Variants in CADM2 observed in about 807,000 individuals in gnomAD.
CADM2 encodes the protein immunoglobulin superfamily member 4D.
CADM2 carries 12 observed loss-of-function variants against 49.8 expected under a neutral mutation model. That is an observed-to-expected ratio of 0.24 (90% CI 0.15 to 0.39). CADM2 has a LOEUF of 0.39. CADM2 is among the 10% of genes least tolerant of loss of function. The pLI is 1.00. For missense variants in CADM2, 378 were observed against 492.3 expected (o/e 0.77, Z 2.20); for synonymous variants, 214 against 175.4 (o/e 1.22, Z -1.74).
intron 1 of CADM2, among the ~76,000 whole-genome samples, chr3:85,168,809 T>A (rs2040541344): frequency 6.6e-6 from 1 of 152,198 alleles, no homozygotes; most frequent in Non-Finnish European, 1.5e-5. Flanking sequence ...ATTGCATTTC[T>A]TAGTGGAATA....
At chr3:85,116,860 A>G (rs887361559) in intron 1 of CADM2, among the ~76,000 whole-genome samples, 1 of 152,152 alleles carries the variant, frequency 6.6e-6, no homozygotes, top group African/African-American at 2.4e-5. Context: ...TTTCTGGTGT[A>G]TGGTGCAATA....
At chr3:85,048,045 C>T (rs1181699563) in intron 1 of CADM2, among the ~76,000 whole-genome samples, 6 of 151,736 alleles carry the variant, frequency 4.0e-5, no homozygotes, top group East Asian at 1.9e-4. Context: ...TCTATATTTT[C>T]GGGAAAAGAA....
chr3:85,619,215 A>G (rs1006180593), intron 1 of CADM2, among the ~76,000 whole-genome samples: 1 of 152,128 alleles, frequency 6.6e-6, no homozygotes, highest in African/African-American at 2.4e-5. Flanking sequence ...TGAACATATA[A>G]TCATAATTTC....
At chr3:85,866,227 G>A (rs941516539) in intron 3 of CADM2, among the ~76,000 whole-genome samples, 12 of 152,134 alleles carry the variant, frequency 7.9e-5, no homozygotes, top group Non-Finnish European at 1.5e-4. Context: ...ACTAAGAAAG[G>A]TAAAATAAGT....
At chr3:84,964,294 A>G (rs941820033) in intron 1 of CADM2, among the ~76,000 whole-genome samples, 3 of 152,204 alleles carry the variant, frequency 2.0e-5, no homozygotes, top group Non-Finnish European at 4.4e-5. Context: ...CATCCTAAGC[A>G]TGCATTTGAA....
chr3:86,001,091 G>T (rs910749527), intron 8 of CADM2, among the ~76,000 whole-genome samples: 1 of 152,104 alleles, frequency 6.6e-6, no homozygotes, highest in South Asian at 2.1e-4. Context: ...CACAGTTTTT[G>T]TGATTGTTTG....
chr3:85,038,700 G>A (rs2035317400), intron 1 of CADM2, among the ~76,000 whole-genome samples: 1 of 152,120 alleles, frequency 6.6e-6, no homozygotes, highest in Admixed American at 6.6e-5. Context: ...GCTGATTTTA[G>A]TGGGGATAAA....
At chr3:85,865,782 A>C (rs1394503011) in intron 3 of CADM2, among the ~76,000 whole-genome samples, 1 of 152,230 alleles carries the variant, frequency 6.6e-6, no homozygotes, top group Non-Finnish European at 1.5e-5. Context: ...CTTTTACGGA[A>C]CTTAAACTAC....
chr3:85,667,155 T>C (rs957968696), intron 1 of CADM2, among the ~76,000 whole-genome samples: 6 of 151,934 alleles, frequency 3.9e-5, no homozygotes, highest in African/African-American at 1.4e-4. Context: ...CATCTCCTTC[T>C]AAGAGTAAAA....
intron 6 of CADM2, among the ~76,000 whole-genome samples, chr3:85,919,691 C>T (rs1169839313): frequency 6.6e-6 from 1 of 151,766 alleles, no homozygotes; most frequent in Non-Finnish European, 1.5e-5. Context: ...CAAACTATTT[C>T]TGAAGAGATT....
chr3:85,906,375 G>T (rs1199043854), intron 5 of CADM2, among the ~76,000 whole-genome samples: 2 of 152,156 alleles, frequency 1.3e-5, no homozygotes, highest in East Asian at 3.9e-4. Flanking sequence ...CTGAAAAAGA[G>T]ACTTTAATAT....
intron 1 of CADM2, among the ~76,000 whole-genome samples, chr3:85,535,338 G>T (rs2106988491): frequency 6.6e-6 from 1 of 152,144 alleles, no homozygotes; most frequent in East Asian, 1.9e-4. Context: ...AGAATATGTT[G>T]GAGGTTTGGA....
chr3:85,101,712 T>C (rs1337369524), intron 1 of CADM2, among the ~76,000 whole-genome samples: 3 of 152,218 alleles, frequency 2.0e-5, no homozygotes, highest in Non-Finnish European at 2.9e-5. Flanking sequence ...GTATTTGGGG[T>C]TAATGAACAC....
intron 1 of CADM2, among the ~76,000 whole-genome samples, chr3:85,678,540 C>CT (rs1164608209): frequency 6.6e-6 from 1 of 152,132 alleles, no homozygotes; most frequent in East Asian, 1.9e-4. Context: ...CTTAAAAATA[C>CT]TTTTTTCAAA....
chr3:85,669,153 C>A (rs2065663144), intron 1 of CADM2, among the ~76,000 whole-genome samples: 1 of 151,886 alleles, frequency 6.6e-6, no homozygotes. Flanking sequence ...TTTTAGTATT[C>A]TTCTTGTTTT....
At chr3:85,820,973 C>A (rs1410490587) in intron 3 of CADM2, among the ~76,000 whole-genome samples, 2 of 152,144 alleles carry the variant, frequency 1.3e-5, no homozygotes, top group African/African-American at 4.8e-5. Context: ...CAGAATTCTA[C>A]TTCTGAAAAG....
chr3:85,450,964 T>G (rs556740518), intron 1 of CADM2, among the ~76,000 whole-genome samples: 25 of 152,086 alleles, frequency 1.6e-4, no homozygotes, highest in Non-Finnish European at 3.2e-4. Flanking sequence ...AAATATTAAA[T>G]GAGATAAGAT....
At chr3:85,808,918 A>G (rs1200239622) in intron 3 of CADM2, among the ~76,000 whole-genome samples, 3 of 152,182 alleles carry the variant, frequency 2.0e-5, no homozygotes, top group Non-Finnish European at 4.4e-5. Context: ...GATGAACCAG[A>G]ATTGGAGGTA....
intron 1 of CADM2, among the ~76,000 whole-genome samples, chr3:85,314,139 C>T (rs1489194142): frequency 2.0e-5 from 3 of 152,146 alleles, no homozygotes; most frequent in Admixed American, 6.5e-5. Context: ...CTGCCCACCT[C>T]GGCCTCCCAA....
Sources: gnomAD v4.1 joint callset for allele counts (sites outside exome capture counted in the v4.1 genomes callset) on GRCh38, gnomAD v4.1.1 for gene constraint, MANE v1.5 for transcripts, NCBI Gene and HGNC (gene_info 2026-07-23, HGNC 2026-07-21) for gene names.